CSMD3: variants seen among roughly 807,000 people sequenced by gnomAD.
CSMD3 encodes the protein CUB and sushi domain-containing protein 3.
A neutral mutation model predicts 435.2 loss-of-function variants in CSMD3; 177 were observed. That is an observed-to-expected ratio of 0.41 (90% confidence interval 0.36 to 0.46). CSMD3 has a LOEUF of 0.46. CSMD3 is among the 20% of genes least tolerant of loss of function. The pLI is 0.34. For missense variants in CSMD3, 4,265 were observed against 4,504.6 expected, an observed-to-expected ratio of 0.95 and a Z score of 1.52; for synonymous variants, 1,656 against 1,520.5, an observed-to-expected ratio of 1.09 and a Z score of -2.07.
At chr8:112,845,523 G>C (rs1326583276) in intron 11 of CSMD3, among the ~76,000 whole-genome samples, 1 of 152,072 alleles carries the variant, frequency 6.6e-6, no homozygotes, top group African/African-American at 2.4e-5. Flanking sequence ...CAGGGTCCTA[G>C]AAGTGCTTTG....
At chr8:112,861,389 T>C (rs994281265) in intron 10 of CSMD3, among the ~76,000 whole-genome samples, 6 of 151,918 alleles carry the variant, frequency 3.9e-5, no homozygotes, top group Non-Finnish European at 2.9e-5. Context: ...CTAAATTTAT[T>C]TTCTAGTACA....
intron 1 of CSMD3, among the ~76,000 whole-genome samples, chr8:113,427,464 A>G (rs781388721): frequency 1.3e-4 from 20 of 149,728 alleles, no homozygotes; most frequent in Non-Finnish European, 2.8e-4. Flanking sequence ...AATGAGCTTT[A>G]CTCTCATAAA....
intron 6 of CSMD3, among the ~76,000 whole-genome samples, chr8:113,017,629 A>G (rs1326912795): frequency 5.9e-5 from 9 of 151,996 alleles, no homozygotes; most frequent in Non-Finnish European, 1.3e-4. Flanking sequence ...GTAGAAAGGA[A>G]TCAGAGCCAC....
At position 113,196,849 on chromosome 8, in the gene CSMD3, T is replaced by C. The variant is rs138894617; in HGVS notation, c.515-22933A>G. On this transcript the variant is annotated intron_variant, in intron 3 of 70. Coordinates refer to ENST00000297405, the MANE Select transcript of CSMD3 (RefSeq NM_198123.2). ...TTCACTTTTCTCATATAATTATTTC[T>C]TACTCTACTGGTTTGTCTAAGCGTG... is the stretch of plus-strand genomic sequence containing the variant. Among the ~76,000 whole-genome samples the C allele has an allele frequency of 7.1e-4, 108 of 151,404 alleles. 2 individuals are homozygous for C. Among genetic ancestry groups the C allele is most frequent in the Admixed American group, 5.0e-3 (76 of 15,116 alleles).
intron 5 of CSMD3, among the ~76,000 whole-genome samples, chr8:113,055,120 G>A (rs1041957074): frequency 6.6e-6 from 1 of 151,982 alleles, no homozygotes; most frequent in Non-Finnish European, 1.5e-5. Context: ...CCATTGTAAT[G>A]TATGTTTTAT....
At chr8:112,629,461 T>A (rs961735961) in intron 22 of CSMD3, among the ~76,000 whole-genome samples, 1 of 152,180 alleles carries the variant, frequency 6.6e-6, no homozygotes, top group Non-Finnish European at 1.5e-5. Flanking sequence ...AATCATTTGT[T>A]TGCTTATGTA....
intron 2 of CSMD3, among the ~76,000 whole-genome samples, chr8:113,290,586 T>C (rs534952770): frequency 2.0e-5 from 3 of 151,760 alleles, no homozygotes; most frequent in Admixed American, 6.6e-5. Context: ...AACTGGTAAA[T>C]AACATAACAC....
At chr8:112,455,204 G>T (rs1003196641) in intron 32 of CSMD3, among the ~76,000 whole-genome samples, 1 of 152,104 alleles carries the variant, frequency 6.6e-6, no homozygotes, top group African/African-American at 2.4e-5. Context: ...GTCATCAATG[G>T]TGGACCAAAT....
chr8:112,587,460 T>C (rs1586742814), intron 22 of CSMD3, among the ~76,000 whole-genome samples: 1 of 151,776 alleles, frequency 6.6e-6, no homozygotes, highest in East Asian at 1.9e-4. Context: ...AATGAAAATA[T>C]ACAATAGTTG....
At chr8:112,859,118 T>G (rs1224906849) in intron 11 of CSMD3, 27 bp downstream of exon 11, 1 of 1,602,154 alleles carries the variant, frequency 6.2e-7, no homozygotes, top group Non-Finnish European at 8.5e-7. Context: ...TGACTTTTTT[T>G]TTAAATCACA....
intron 3 of CSMD3, among the ~76,000 whole-genome samples, chr8:113,248,434 G>A (rs1453443460): frequency 1.8e-5 from 2 of 112,212 alleles, no homozygotes; most frequent in African/African-American, 6.7e-5. Flanking sequence ...ATATACATTT[G>A]GAGGAAATAA....
At chr8:112,307,965 T>G (rs1729033551) in intron 50 of CSMD3, among the ~76,000 whole-genome samples, 1 of 152,100 alleles carries the variant, frequency 6.6e-6, no homozygotes, top group Non-Finnish European at 1.5e-5. Flanking sequence ...CCACGTAAAT[T>G]AAATATAAAA....
chr8:112,695,434 A>T (rs1472535739), intron 13 of CSMD3, among the ~76,000 whole-genome samples: 1 of 152,176 alleles, frequency 6.6e-6, no homozygotes, highest in African/African-American at 2.4e-5. Flanking sequence ...AACATATGCA[A>T]ATCAATAAAT....
intron 2 of CSMD3, chr8:113,310,273 A>AT (rs1158749517): frequency 6.6e-6 from 1 of 152,090 alleles, no homozygotes; most frequent in Non-Finnish European, 1.5e-5. Context: ...AGGAAAAGGA[A>AT]TTTAAAAATG....
At chr8:112,427,285 T>C (rs1203557922) in intron 32 of CSMD3, among the ~76,000 whole-genome samples, 1 of 152,118 alleles carries the variant, frequency 6.6e-6, no homozygotes, top group African/African-American at 2.4e-5. Flanking sequence ...AAATCTCATC[T>C]TGAATTGTAG....
chr8:112,619,368 T>C (rs1050496504), intron 22 of CSMD3, among the ~76,000 whole-genome samples: 5 of 152,028 alleles, frequency 3.3e-5, no homozygotes, highest in Non-Finnish European at 7.4e-5. Context: ...CCAGGTTTAT[T>C]ATCACCCTTT....
intron 66 of CSMD3, among the ~76,000 whole-genome samples, chr8:112,239,744 A>C (rs1586495274): frequency 6.6e-6 from 1 of 152,216 alleles, no homozygotes; most frequent in South Asian, 2.1e-4. Context: ...GAATTTCATT[A>C]ATCTACTCTC....
chr8:112,847,622 T>C (rs1333434797), intron 11 of CSMD3, among the ~76,000 whole-genome samples: 1 of 152,160 alleles, frequency 6.6e-6, no homozygotes, highest in Admixed American at 6.6e-5. Flanking sequence ...TGAAGACAGC[T>C]ATAGTCTGCA....
intron 3 of CSMD3, among the ~76,000 whole-genome samples, chr8:113,235,007 G>GA (rs1344166032): frequency 1.3e-5 from 2 of 152,058 alleles, no homozygotes; most frequent in African/African-American, 4.8e-5. Context: ...AAATGGGGTG[G>GA]AAAATATATC....
Sources: gnomAD v4.1 joint callset for allele counts (sites outside exome capture counted in the v4.1 genomes callset) on GRCh38, gnomAD v4.1.1 for gene constraint, MANE v1.5 for transcripts, NCBI Gene and HGNC (gene_info 2026-07-23, HGNC 2026-07-21) for gene names.